The following PHF14 variants were observed in gnomAD, a reference collection of about 807,000 sequenced individuals.
PHF14 encodes the protein PHD finger protein 14.
PHF14 carries 55 observed loss-of-function variants against 117.9 expected under a neutral mutation model. The observed-to-expected ratio is 0.47, with a 90% confidence interval of 0.38 to 0.58. The LOEUF is 0.58. PHF14 is among the 20% of genes least tolerant of loss of function. PHF14 has a pLI of 0.00. For synonymous variants in PHF14, 409 were observed against 368.6 expected, an observed-to-expected ratio of 1.11 and a Z score of -1.26; for missense variants, 978 against 1,122.2, an observed-to-expected ratio of 0.87 and a Z score of 1.84.
chr7:11,053,091 A>G (rs148790311), intron 14 of PHF14, among the ~76,000 whole-genome samples: 31 of 152,184 alleles, frequency 2.0e-4, no homozygotes, highest in African/African-American at 7.5e-4. Context: ...ATACAAAGAT[A>G]TTTTTAGGGT....
At chr7:11,059,233 C>G (rs1785123532) in intron 14 of PHF14, among the ~76,000 whole-genome samples, 1 of 151,960 alleles carries the variant, frequency 6.6e-6, no homozygotes, top group South Asian at 2.1e-4. Context: ...AAGTTATTAT[C>G]AAAATGGTAA....
intron 5 of PHF14, among the ~76,000 whole-genome samples, chr7:11,022,447 A>C (rs1783768539): frequency 6.6e-6 from 1 of 152,196 alleles, no homozygotes; most frequent in South Asian, 2.1e-4. Flanking sequence ...GAGTAAATTC[A>C]CAGTTATTAA....
intron 16 of PHF14, chr7:11,103,682 AGTTTAAACTT>A (rs1787167191): frequency 3.0e-6 from 3 of 984,500 alleles, no homozygotes; most frequent in Non-Finnish European, 3.6e-6. Context: ...AATGGAAAAT[AGTTTAAACTT>A]TAGGAATAGA....
At chr7:11,105,083 A>G in intron 16 of PHF14, 1 of 941,262 alleles carries the variant, frequency 1.1e-6, no homozygotes, top group Middle Eastern at 5.5e-4. Context: ...TTAGATACAG[A>G]AAGAAATCAA....
chr7:11,144,602 T>C (rs941144443), intron 17 of PHF14, among the ~76,000 whole-genome samples: 3 of 148,342 alleles, frequency 2.0e-5, no homozygotes, highest in African/African-American at 7.3e-5. Context: ...GTAATATATT[T>C]ATATAATAAT....
At chr7:11,085,322 T>C (rs867178927) in intron 16 of PHF14, among the ~76,000 whole-genome samples, 2 of 152,228 alleles carry the variant, frequency 1.3e-5, no homozygotes, top group South Asian at 4.1e-4. Flanking sequence ...CTTCTGTTGA[T>C]TTAAAACAAT....
intron 10 of PHF14, among the ~76,000 whole-genome samples, chr7:11,038,489 C>A (rs1784386648): frequency 6.7e-6 from 1 of 149,680 alleles, no homozygotes; most frequent in African/African-American, 2.5e-5. Flanking sequence ...GAAACCCTGT[C>A]TCTACTAAAA....
intron 14 of PHF14, among the ~76,000 whole-genome samples, chr7:11,056,730 A>AT (rs1785033187): frequency 2.0e-5 from 3 of 149,774 alleles, no homozygotes; most frequent in Non-Finnish European, 1.5e-5. Context: ...ATAATTTTAT[A>AT]TTTTTTAGAA....
chr7:11,164,461 G>A (rs1324886338), intron 17 of PHF14, among the ~76,000 whole-genome samples: 1 of 152,150 alleles, frequency 6.6e-6, no homozygotes, highest in East Asian at 1.9e-4. Flanking sequence ...GGGGTAGAAT[G>A]ATGGAAAGCA....
At chr7:11,055,197 T>A (rs1031174236) in intron 14 of PHF14, among the ~76,000 whole-genome samples, 1 of 152,228 alleles carries the variant, frequency 6.6e-6, no homozygotes, top group Non-Finnish European at 1.5e-5. Context: ...GCAAGGAAAT[T>A]AATTTTGAAG....
Position 11,169,523 on chromosome 7 carries a change from AG to A in PHF14, c.*34del, listed in dbSNP as rs1789303551. ...TCTGTAGTGTTTTTGAAAAGTTTGC[AG>A]CTTATGTAATAGCAGATAAAATTTC... On this transcript the variant is annotated 3_prime_UTR_variant, in exon 18 of 18. Transcript: ENST00000634607. 1 of 982,218 alleles carries A rather than the reference AG, an allele frequency of 1.0e-6. No individual in the cohort carries two copies. Among genetic ancestry groups the A allele is most frequent in the Non-Finnish European group, 1.5e-6 (1 of 674,530 alleles). 60.8% of individuals were successfully genotyped at this position (982,218 alleles called of 1,614,324 possible).
chr7:11,142,469 A>C (rs929595714), intron 17 of PHF14, among the ~76,000 whole-genome samples: 7 of 152,118 alleles, frequency 4.6e-5, no homozygotes, highest in African/African-American at 1.7e-4. Flanking sequence ...CATCGCTTGA[A>C]AAGAAATGCC....
rs192381095 is a variant in PHF14, at chr7:11,114,458, G to A, written c.2772+2991G>A. ...TGTCTATTACTTTTATAGAAATTCC[G>A]TAAGTCTAATAAGATTCATCATATC... On this transcript the variant is annotated intron_variant, in intron 17 of 17. Coordinates refer to ENST00000634607, the MANE Select transcript of PHF14 (RefSeq NM_001007157.2). 3.3e-4 allele frequency among the ~76,000 whole-genome samples: 50 copies of A among 152,050 alleles called. No individual in the cohort carries two copies. In the East Asian group the frequency reaches 4.1e-3, roughly 12 times the overall value.
intron 13 of PHF14, among the ~76,000 whole-genome samples, chr7:11,046,586 A>G (rs889895968): frequency 6.6e-6 from 1 of 152,186 alleles, no homozygotes; most frequent in African/African-American, 2.4e-5. Context: ...GAATTCCAGC[A>G]TTAGAATGGG....
At chr7:11,123,280 T>C (rs950014880) in intron 17 of PHF14, among the ~76,000 whole-genome samples, 4 of 152,176 alleles carry the variant, frequency 2.6e-5, no homozygotes, top group Non-Finnish European at 4.4e-5. Flanking sequence ...TCCTTTTGTC[T>C]AGTGATTAAG....
At chr7:11,096,267 T>C (rs576204058) in intron 16 of PHF14, among the ~76,000 whole-genome samples, 9 of 152,176 alleles carry the variant, frequency 5.9e-5, no homozygotes, top group Non-Finnish European at 1.2e-4. Context: ...GCATAATTAC[T>C]CTTTATCAGT....
intron 17 of PHF14, among the ~76,000 whole-genome samples, chr7:11,153,980 A>G (rs909115757): frequency 6.7e-6 from 1 of 149,874 alleles, no homozygotes; most frequent in African/African-American, 2.5e-5. Flanking sequence ...TGTTTTAAGA[A>G]TAAGGAATAC....
rs1469223527 is a variant in PHF14 at position 11,028,688 on chromosome 7, G to C, written c.1325G>C (p.Ser442Thr). ...TCTGTTACTTTGTTGTAGGAGTGTA[G>C]CTTTTGTGAAGACCCTCGCTTTGCT... ...NYSKYGAKEC[S>T]FCEDPRFART... Residue 442 changes from serine to threonine, a missense_variant, in exon 7 of 18, where the codon AGC (serine) becomes ACC (threonine). By Grantham distance (58) the Ser-to-Thr change is moderately conservative. This residue lies in a region of PHF14 where 21 missense variants were observed against 16.5 expected (regional missense o/e 1.27). Coordinates refer to ENST00000634607, the MANE Select transcript of PHF14 (RefSeq NM_001007157.2). 1.2e-6 allele frequency: 2 copies of C among 1,613,644 alleles called. No individual in the cohort carries two copies. Among genetic ancestry groups the C allele is most frequent in the Admixed American group, 1.7e-5 (1 of 59,974 alleles).
intron 8 of PHF14, 21 bp downstream of exon 8, chr7:11,035,807 C>T: frequency 1.3e-6 from 2 of 1,550,660 alleles, no homozygotes; most frequent in Non-Finnish European, 8.7e-7. Flanking sequence ...CATGTCAAAA[C>T]CCGTATGTTT....
Sources: allele counts gnomAD v4.1 joint callset (sites outside exome capture counted in the v4.1 genomes callset), GRCh38; gene constraint gnomAD v4.1.1; regional missense constraint gnomAD v4.1.1; transcripts MANE v1.5; gene names NCBI Gene and HGNC (gene_info 2026-07-23, HGNC 2026-07-21).